Variants in COL14A1 observed in about 807,000 individuals in gnomAD.
COL14A1 encodes the protein collagen alpha-1(XIV) chain.
A neutral mutation model predicts 230.3 loss-of-function variants in COL14A1; 136 were observed. That is an observed-to-expected ratio of 0.59 (90% confidence interval 0.51 to 0.68). The LOEUF is 0.68. Among genes scored for constraint, COL14A1 ranks in the 30% least tolerant of loss-of-function variants. The pLI is 0.00. For synonymous variants in COL14A1, 792 were observed against 784.1 expected, an observed-to-expected ratio of 1.01 and a Z score of -0.17; for missense variants, 1,976 against 2,215.8, an observed-to-expected ratio of 0.89 and a Z score of 2.17.
chr8:120,364,099 T>A (rs911374559), intron 45 of COL14A1, among the ~76,000 whole-genome samples: 11 of 150,644 alleles, frequency 7.3e-5, no homozygotes, highest in African/African-American at 2.4e-4. Flanking sequence ...ATGAGTCTCC[T>A]GAGTCTCGGT....
chr8:120,220,552 G>A (rs1278281355), intron 14 of COL14A1, among the ~76,000 whole-genome samples: 1 of 152,084 alleles, frequency 6.6e-6, no homozygotes, highest in Admixed American at 6.6e-5. Flanking sequence ...GATTACAGGT[G>A]TGAGCCACCG....
chr8:120,253,781 G>T (rs893178316), intron 22 of COL14A1, among the ~76,000 whole-genome samples: 22 of 151,978 alleles, frequency 1.4e-4, no homozygotes, highest in African/African-American at 5.1e-4. Flanking sequence ...AAAGTTAGTC[G>T]GGTGTGGCGG....
Position 120,369,436 on chromosome 8 carries a change from C to G in COL14A1, c.5262C>G (p.Gly1754=), listed in dbSNP as rs780284100. The change falls in exon 47 of 48, where the codon GGC becomes GGG. Residue 1754 remains glycine, a synonymous_variant. Coordinates refer to ENST00000297848, the MANE Select transcript of COL14A1 (RefSeq NM_021110.4). ...LGVPGPQGPS[G]QPGYCDPSSC... is the part of the protein sequence containing the mutation. ...TTCCTGGACCCCAAGGTCCTTCTGG[C>G]CAGCCTGGATATTGTGACCCCTCAT... The G allele has an allele frequency of 6.2e-7, 1 of 1,609,832 alleles. No homozygotes were observed. Among genetic ancestry groups the G allele is most frequent in the Non-Finnish European group, 8.5e-7 (1 of 1,178,050 alleles).
chr8:120,192,224 CT>C (rs1226212295), intron 5 of COL14A1, among the ~76,000 whole-genome samples: 1 of 152,102 alleles, frequency 6.6e-6, no homozygotes, highest in African/African-American at 2.4e-5. Flanking sequence ...TTCAGGAGCT[CT>C]TTTAGGGCAG....
At chr8:120,272,700 G>A (rs796903721) in intron 26 of COL14A1, among the ~76,000 whole-genome samples, 4 of 151,700 alleles carry the variant, frequency 2.6e-5, no homozygotes, top group African/African-American at 9.6e-5. Flanking sequence ...AAAAGACAAA[G>A]AAAGTCATTA....
chr8:120,307,733 A>T (rs948536620), intron 36 of COL14A1, among the ~76,000 whole-genome samples: 1 of 152,226 alleles, frequency 6.6e-6, no homozygotes, highest in Non-Finnish European at 1.5e-5. Flanking sequence ...TTCAGCAATC[A>T]GGTTGATAAA....
chr8:120,324,953 AAT>A (rs1349642312), intron 40 of COL14A1, among the ~76,000 whole-genome samples: 28 of 152,306 alleles, frequency 1.8e-4, no homozygotes, highest in African/African-American at 6.5e-4. Context: ...CCTACCAAAA[AAT>A]GTTTAGAAAC....
chr8:120,343,270 A>G (rs1044046289), intron 44 of COL14A1, among the ~76,000 whole-genome samples: 1 of 152,124 alleles, frequency 6.6e-6, no homozygotes, highest in Admixed American at 6.5e-5. Context: ...GAGGTGAACT[A>G]TCTCTCTCAA....
chr8:120,308,578 T>C (rs1217531844), intron 36 of COL14A1, among the ~76,000 whole-genome samples: 2 of 152,216 alleles, frequency 1.3e-5, no homozygotes, highest in Non-Finnish European at 2.9e-5. Context: ...AAATTACGTT[T>C]TATAATTGCA....
intron 43 of COL14A1, 54 bp from the exon 44 acceptor site, chr8:120,342,326 G>T (rs1822328215): frequency 6.5e-7 from 1 of 1,544,890 alleles, no homozygotes; most frequent in African/African-American, 1.4e-5. Flanking sequence ...GGAAGTCCTG[G>T]TAGTGTGGCT....
intron 1 of COL14A1, among the ~76,000 whole-genome samples, chr8:120,132,995 A>G (rs1355367584): frequency 6.6e-6 from 1 of 152,130 alleles, no homozygotes; most frequent in African/African-American, 2.4e-5. Flanking sequence ...AGACGGGCGG[A>G]TCACGAGGTC....
intron 14 of COL14A1, among the ~76,000 whole-genome samples, chr8:120,219,596 C>T (rs1441409627): frequency 6.6e-6 from 1 of 152,148 alleles, no homozygotes; most frequent in Non-Finnish European, 1.5e-5. Context: ...TCCCTCATGA[C>T]CTAATCATTT....
Position 120,372,904 on chromosome 8 carries a change from TCAG to T in COL14A1, c.*1678_*1680del, listed in dbSNP as rs2130420296. 6.6e-6 allele frequency among the ~76,000 whole-genome samples: 1 copy of T among 152,226 alleles called. No homozygotes were observed. The highest frequency in any genetic ancestry group is 1.5e-5 in the Non-Finnish European group (1 of 68,020). ...ATGAAAGAAGATAATGAGCAGATAA[TCAG>T]CAGCCATTTCCTTTCAGTTATGGTA... On this transcript the variant is annotated 3_prime_UTR_variant, in exon 48 of 48. Transcript: ENST00000297848.
At position 120,216,784 on chromosome 8, in the gene COL14A1, T is replaced by G. The variant is rs4870724; in HGVS notation, c.1737+294T>G. On this transcript the variant is annotated intron_variant, in intron 14 of 47. Transcript: ENST00000297848. ...GGGAGCCTGGAACAGCTGGGAGCTG[T>G]AGCAGGTCTCCATATCTCTAATTAG... Among the ~76,000 whole-genome samples, 86,026 of 151,912 alleles carry G rather than the reference T, an allele frequency of 0.57. 25,552 individuals carry two copies. The highest frequency in any genetic ancestry group is 0.75 in the African/African-American group (30,914 of 41,434).
rs9402 is a variant in COL14A1 at position 120,371,953 on chromosome 8, C to T, written c.*722C>T. On this transcript the variant is annotated 3_prime_UTR_variant, in exon 48 of 48. Coordinates refer to ENST00000297848, the MANE Select transcript of COL14A1 (RefSeq NM_021110.4). ...TCCAGGGGTTGCCTCTCCTTATCTACGGGGATTACTTTGTACATGCAGATA... is the reference window on the plus strand; with the variant it reads ...TCCAGGGGTTGCCTCTCCTTATCTATGGGGATTACTTTGTACATGCAGATA... The T allele has an allele frequency of 0.014, 3,787 of 277,292 alleles. 139 individuals carry two copies. Among genetic ancestry groups the T allele is most frequent in the African/African-American group, 0.076 (3,515 of 46,512 alleles). The allele number at this position is 277,292 out of a possible 1,614,324, so 17.2% of individuals were successfully genotyped here.
chr8:120,161,383 T>G (rs1815661289), intron 3 of COL14A1, among the ~76,000 whole-genome samples: 1 of 152,202 alleles, frequency 6.6e-6, no homozygotes, highest in Non-Finnish European at 1.5e-5. Context: ...AATTTGGAAT[T>G]CTGCATAAAA....
At position 120,300,761 on chromosome 8, in the gene COL14A1, C is replaced by G; in HGVS notation, c.4344C>G (p.Pro1448=). Residue 1448 remains proline (P), a synonymous_variant, in exon 36 of 48, where the codon CCC becomes CCG. Coordinates refer to ENST00000297848, the MANE Select transcript of COL14A1 (RefSeq NM_021110.4). Reference sequence around the variant, plus strand: ...ATGATGAGTCTTGCCCAGACCTTCCCCATTCCTGCTCCTGTTCTGAAACCA... The same window carrying G: ...ATGATGAGTCTTGCCCAGACCTTCCGCATTCCTGCTCCTGTTCTGAAACCA... ...LRDDESCPDL[P]HSCSCSETNE... The G allele has an allele frequency of 6.2e-7, 1 of 1,613,568 alleles. No homozygotes were observed.
intron 40 of COL14A1, among the ~76,000 whole-genome samples, chr8:120,320,739 T>A (rs1353388196): frequency 2.0e-5 from 3 of 152,164 alleles, no homozygotes; most frequent in African/African-American, 7.2e-5. Context: ...CTGGATGGGT[T>A]TTATAATATC....
intron 42 of COL14A1, among the ~76,000 whole-genome samples, chr8:120,337,098 GA>G (rs1291882159): frequency 6.6e-6 from 1 of 152,012 alleles, no homozygotes; most frequent in Non-Finnish European, 1.5e-5. Flanking sequence ...TTTATTAAAA[GA>G]AAAAAAGAAG....
Sources: allele counts gnomAD v4.1 joint callset (sites outside exome capture counted in the v4.1 genomes callset), GRCh38; gene constraint gnomAD v4.1.1; transcripts MANE v1.5; gene names NCBI Gene and HGNC (gene_info 2026-07-23, HGNC 2026-07-21).